The following NUDT12 variants were observed in gnomAD, a reference collection of about 807,000 sequenced individuals.
NUDT12 encodes NAD-capped RNA hydrolase NUDT12.
A neutral mutation model predicts 45.7 loss-of-function variants in NUDT12; 42 were observed. The ratio of observed to expected loss-of-function variants is 0.92; its 90% CI spans 0.72 to 1.19. NUDT12 has a LOEUF of 1.19. Among genes scored for constraint, NUDT12 ranks in the 50% most tolerant of loss-of-function variants. NUDT12 has a pLI of 0.00. For synonymous variants in NUDT12, 206 were observed against 179.7 expected, an observed-to-expected ratio of 1.15 and a Z score of -1.17; for missense variants, 590 against 533.1, an observed-to-expected ratio of 1.11 and a Z score of -1.05.
intron 1 of NUDT12, among the ~76,000 whole-genome samples, chr5:103,561,892 T>C (rs531516108): frequency 4.7e-4 from 71 of 152,324 alleles, no homozygotes; most frequent in African/African-American, 1.6e-3. Context: ...GCATATGCTA[T>C]TCTGTGGAGA....
intron 4 of NUDT12, 53 bp from the exon 5 acceptor site, chr5:103,554,906 T>A (rs1748766453): frequency 2.9e-6 from 2 of 695,540 alleles, no homozygotes; most frequent in Non-Finnish European, 2.5e-6. Flanking sequence ...GAATTTAGAT[T>A]CATTGTACAA....
chr5:103,556,793 G>A lies in NUDT12; in HGVS notation c.797-695C>T, dbSNP rs540291388. Among the ~76,000 whole-genome samples the A allele has an allele frequency of 2.0e-4, 30 of 152,130 alleles. No individual in the cohort carries two copies. In the Middle Eastern group the frequency reaches 0.014, roughly 69 times the overall value. On this transcript the variant is annotated intron_variant, in intron 3 of 6. Transcript: ENST00000230792. ...CAGTTGAGGCAATAAGACTAGAAAT[G>A]CTATATGTTAAATGCTTGACAAAGT...
intron 2 of NUDT12, 173 bp downstream of exon 2, chr5:103,559,869 AG>A: frequency 1.8e-6 from 1 of 560,078 alleles, no homozygotes. Context: ...TCAATGAAAA[AG>A]GTTACAAAGT....
chr5:103,555,441 CCA>C (rs933929899), intron 4 of NUDT12, among the ~76,000 whole-genome samples: 3 of 151,994 alleles, frequency 2.0e-5, no homozygotes, highest in Admixed American at 6.6e-5. Flanking sequence ...ATTTTTCTCC[CCA>C]GAGGCCTCCT....
intron 6 of NUDT12, 46 bp from the exon 7 acceptor site, chr5:103,551,017 T>A: frequency 7.8e-7 from 1 of 1,283,014 alleles, no homozygotes; most frequent in Non-Finnish European, 1.1e-6. Context: ...AAAGCTGTCA[T>A]ATTTAAATAC....
At position 103,552,393 on chromosome 5, in the gene NUDT12, T is replaced by G; in HGVS notation, c.1102A>C (p.Arg368=). 1 of 1,613,804 alleles carries G rather than the reference T, an allele frequency of 6.2e-7. No individual in the cohort carries two copies. The highest frequency in any genetic ancestry group is 1.3e-5 in the African/African-American group (1 of 75,038). Residue 368 remains arginine (R), a synonymous_variant, in exon 6 of 7, where the codon AGG becomes CGG. Coordinates refer to ENST00000230792, the MANE Select transcript of NUDT12 (RefSeq NM_031438.4). ...CCACTTTCCTCTTCTACTTCTCTCC[T>G]AACAGCATCTTCTATTGTCTCTCCT... is the stretch of plus-strand genomic sequence containing the variant. ...EPGETIEDAV[R]REVEEESGVK... is the part of the protein sequence containing the mutation.
chr5:103,558,793 T>G, intron 3 of NUDT12, 86 bp downstream of exon 3: 1 of 818,788 alleles, frequency 1.2e-6, no homozygotes, highest in Non-Finnish European at 1.9e-6. Context: ...GGAAAAAGAG[T>G]GCCCCTGGAA....
rs1748585442 is a variant in NUDT12, at chr5:103,549,466, T to A, written c.*1395A>T. The A allele has an allele frequency of 6.6e-6, 1 of 151,974 alleles. No homozygotes were observed. The highest frequency in any genetic ancestry group is 2.4e-5 in the African/African-American group (1 of 41,448). 9.4% of individuals were successfully genotyped at this position (151,974 alleles called of 1,614,324 possible). A position where few individuals can be genotyped will look rare whatever the true frequency, so the allele number is the denominator to read the frequency against. On this transcript the variant is annotated 3_prime_UTR_variant, in exon 7 of 7. Coordinates refer to ENST00000230792, the MANE Select transcript of NUDT12 (RefSeq NM_031438.4). ...GGTAAATTAAATTTATTCTTATCAT[T>A]CCTTCTTTTAATTTTGTCTATATAT... is the stretch of plus-strand genomic sequence containing the variant.
Position 103,555,975 on chromosome 5 carries a change from C to A in NUDT12, c.920G>T (p.Cys307Phe). The A allele has an allele frequency of 6.2e-7, 1 of 1,609,912 alleles. No individual in the cohort carries two copies. Among genetic ancestry groups the A allele is most frequent in the Non-Finnish European group, 8.5e-7 (1 of 1,177,510 alleles). The stretch of plus-strand genomic sequence containing the variant: ...ATTATGGACGCCATTGAGACTAGGA[C>A]AGTCTTCTTTTAAACATAATCTCTT... ...GYKRLCLKED[C>F]PSLNGVHNTS... Residue 307 changes from cysteine (C) to phenylalanine (F), a missense_variant, in exon 4 of 7, where the codon TGT becomes TTT. Transcript: ENST00000230792.
rs2112455168 is a variant in NUDT12 at position 103,558,862 on chromosome 5, C to T, written c.796+17G>A. The T allele has an allele frequency of 6.7e-7, 1 of 1,498,636 alleles. No homozygotes were observed. Among genetic ancestry groups the T allele is most frequent in the Non-Finnish European group, 9.0e-7 (1 of 1,114,254 alleles). The allele number at this position is 1,498,636 out of a possible 1,614,324, so 92.8% of individuals were successfully genotyped here. ...AAAACCAGATTTTACCAATGAAAAG[C>T]AGCATTCATTTCTTACCAGCTTCTT... On this transcript the variant is annotated intron_variant, in intron 3 of 6. Coordinates refer to ENST00000230792, the MANE Select transcript of NUDT12 (RefSeq NM_031438.4).
In NUDT12 at chr5:103,550,962, C is replaced by T. The variant is rs1748638846; in HGVS notation, c.1288G>A (p.Val430Ile). The T allele has an allele frequency of 7.4e-6, 12 of 1,613,096 alleles. No individual in the cohort carries two copies. Among genetic ancestry groups the T allele is most frequent in the Non-Finnish European group, 9.3e-6 (11 of 1,179,244 alleles). ...GCCTGCTGCTTCCCTTTGGTCAGAA[C>T]ATCCAGGACCTAAAACACACCATAA... ...RWFTREQVLD[V>I]LTKGKQQAFF... Residue 430 changes from valine to isoleucine, a missense_variant, in exon 7 of 7, where the codon GTT (valine) becomes ATT (isoleucine). Coordinates refer to ENST00000230792, the MANE Select transcript of NUDT12 (RefSeq NM_031438.4).
At chr5:103,562,028 C>T (rs956497402) in intron 1 of NUDT12, among the ~76,000 whole-genome samples, 1 of 152,136 alleles carries the variant, frequency 6.6e-6, no homozygotes, top group Admixed American at 6.5e-5. Flanking sequence ...GTTTGATTTA[C>T]TTTTTCAATT....
chr5:103,557,978 C>T (rs1221125452), intron 3 of NUDT12, among the ~76,000 whole-genome samples: 1 of 151,602 alleles, frequency 6.6e-6, no homozygotes, highest in Non-Finnish European at 1.5e-5. Context: ...TTTTTTAATC[C>T]AAGTCTGTCC....
intron 3 of NUDT12, 25 bp downstream of exon 3, chr5:103,558,854 A>G: frequency 1.3e-6 from 2 of 1,489,828 alleles, no homozygotes; most frequent in South Asian, 1.3e-5. Flanking sequence ...GATTTTACCA[A>G]TGAAAAGCAG....
At chr5:103,560,918 A>G (rs550287646) in intron 1 of NUDT12, among the ~76,000 whole-genome samples, 5 of 152,148 alleles carry the variant, frequency 3.3e-5, no homozygotes, top group African/African-American at 1.2e-4. Flanking sequence ...GAATCAGAGC[A>G]GCTTTTAAAA....
chr5:103,555,174 A>C (rs894010854), intron 4 of NUDT12, among the ~76,000 whole-genome samples: 1 of 152,082 alleles, frequency 6.6e-6, no homozygotes, highest in Non-Finnish European at 1.5e-5. Context: ...TTGAGTAGGT[A>C]ATACATGGAA....
At chr5:103,552,700 C>A (rs953113744) in intron 5 of NUDT12, among the ~76,000 whole-genome samples, 3 of 152,008 alleles carry the variant, frequency 2.0e-5, no homozygotes, top group African/African-American at 7.2e-5. Flanking sequence ...ATATCCAATA[C>A]CTAATACTGG....
At chr5:103,554,299 C>CA (rs1429231728) in intron 5 of NUDT12, among the ~76,000 whole-genome samples, 5 of 152,056 alleles carry the variant, frequency 3.3e-5, no homozygotes, top group Admixed American at 2.6e-4. Context: ...TATATACATA[C>CA]TTACATACGG....
Position 103,549,279 on chromosome 5 carries a change from CCT to C in NUDT12, c.*1580_*1581del, listed in dbSNP as rs1229181976. Reference sequence around the variant, plus strand: ...CGAATTTTATTATGTATCTAAATGTCCTCTGTCAGTTTTAATTTGGTTTAAAT... The same window carrying C: ...CGAATTTTATTATGTATCTAAATGTCCTGTCAGTTTTAATTTGGTTTAAAT... On this transcript the variant is annotated 3_prime_UTR_variant, in exon 7 of 7. Coordinates refer to ENST00000230792, the MANE Select transcript of NUDT12 (RefSeq NM_031438.4). 6.6e-6 allele frequency: 1 copy of C among 151,938 alleles called. No individual in the cohort carries two copies. Among genetic ancestry groups the C allele is most frequent in the Non-Finnish European group, 1.5e-5 (1 of 67,912 alleles). 9.4% of individuals were successfully genotyped at this position (151,938 alleles called of 1,614,324 possible). A position where few individuals can be genotyped will look rare whatever the true frequency, so the allele number is the denominator to read the frequency against.
Sources: allele counts gnomAD v4.1 joint callset (sites outside exome capture counted in the v4.1 genomes callset), GRCh38; gene constraint gnomAD v4.1.1; transcripts MANE v1.5; gene names NCBI Gene and HGNC (gene_info 2026-07-23, HGNC 2026-07-21).